The following BTRC variants were observed in gnomAD, a reference collection of about 807,000 sequenced individuals.
BTRC encodes the protein F-box/WD repeat-containing protein 1A.
Under a neutral mutation model 85.5 loss-of-function variants are expected in BTRC, and 42 were observed. The ratio of observed to expected loss-of-function variants is 0.49; its 90% CI spans 0.38 to 0.64. The LOEUF is 0.64. Among genes scored for constraint, BTRC ranks in the 30% least tolerant of loss-of-function variants. BTRC has a pLI of 0.00. For synonymous variants in BTRC, 255 were observed against 263.3 expected, an observed-to-expected ratio of 0.97 and a Z score of 0.30; for missense variants, 594 against 743.5, an observed-to-expected ratio of 0.80 and a Z score of 2.34.
intron 4 of BTRC, among the ~76,000 whole-genome samples, chr10:101,514,422 A>T (rs531179640): frequency 6.6e-6 from 1 of 151,542 alleles, no homozygotes; most frequent in South Asian, 2.1e-4. Context: ...CATTTCCTCT[A>T]TGGATATCCA....
At position 101,367,079 on chromosome 10, in the gene BTRC, TA is replaced by T. The variant is rs1220920101; in HGVS notation, c.48+12852del. The stretch of plus-strand genomic sequence containing the variant: ...ATATAAATATAAATATATATATATA[TA>T]TTTTTTTCGAGCTAGAGTCTCGCTC... On this transcript the variant is annotated intron_variant, in intron 1 of 14. Transcript: ENST00000370187. Among the ~76,000 whole-genome samples the T allele has an allele frequency of 2.3e-4, 24 of 105,534 alleles. 1 individual carries two copies. Among genetic ancestry groups the T allele is most frequent in the East Asian group, 1.2e-3 (5 of 4,286 alleles). 69.2% of individuals were successfully genotyped at this position (105,534 alleles called of 152,430 possible).
chr10:101,354,295 C>T (rs997447977), intron 1 of BTRC, 67 bp downstream of exon 1: 4 of 1,520,974 alleles, frequency 2.6e-6, no homozygotes, highest in Non-Finnish European at 3.6e-6. Flanking sequence ...TGGCCTGGGC[C>T]GCCCGCCCAC....
chr10:101,472,869 C>T (rs1457501481), intron 3 of BTRC, among the ~76,000 whole-genome samples: 2 of 151,996 alleles, frequency 1.3e-5, no homozygotes, highest in Non-Finnish European at 2.9e-5. Flanking sequence ...TCCTTGGCTC[C>T]GTTCAAGGTT....
At chr10:101,397,154 A>T (rs1943385227) in intron 1 of BTRC, among the ~76,000 whole-genome samples, 1 of 152,218 alleles carries the variant, frequency 6.6e-6, no homozygotes, top group South Asian at 2.1e-4. Flanking sequence ...TAAAATTCTT[A>T]TATAAATTCT....
At chr10:101,509,719 ATTTTTTTT>A (rs549474862) in intron 4 of BTRC, among the ~76,000 whole-genome samples, 2 of 120,350 alleles carry the variant, frequency 1.7e-5, no homozygotes, top group Non-Finnish European at 3.3e-5. Flanking sequence ...CACACAGCTA[ATTTTTTTT>A]TTTTTTTTTT....
At chr10:101,359,458 C>T (rs1030334523) in intron 1 of BTRC, among the ~76,000 whole-genome samples, 2 of 152,004 alleles carry the variant, frequency 1.3e-5, no homozygotes, top group Admixed American at 6.6e-5. Flanking sequence ...CCCTGAGTCT[C>T]GCTCTGTTGC....
chr10:101,462,490 C>T (rs1001682534), intron 3 of BTRC, among the ~76,000 whole-genome samples: 1 of 152,002 alleles, frequency 6.6e-6, no homozygotes, highest in South Asian at 2.1e-4. Context: ...ACCAGCCTGA[C>T]CAACATGGAG....
Position 101,418,924 on chromosome 10 carries a change from T to C in BTRC, c.49-11421T>C, listed in dbSNP as rs887329692. On this transcript the variant is annotated intron_variant, in intron 1 of 14. Transcript: ENST00000370187. ...CATGTTGTTTTCATATACATATTCA[T>C]TGTAAAATGCTTGTCTCAATCAAGC... 5.3e-5 allele frequency among the ~76,000 whole-genome samples: 8 copies of C among 152,154 alleles called. No individual in the cohort carries two copies. In the East Asian group the frequency reaches 1.2e-3, roughly 22 times the overall value.
At chr10:101,513,778 A>G (rs2061987477) in intron 4 of BTRC, among the ~76,000 whole-genome samples, 1 of 152,228 alleles carries the variant, frequency 6.6e-6, no homozygotes, top group Non-Finnish European at 1.5e-5. Flanking sequence ...TTTCGTTTTA[A>G]GGAGGTAAGT....
chr10:101,511,454 G>A (rs1196118598), intron 4 of BTRC, among the ~76,000 whole-genome samples: 1 of 152,038 alleles, frequency 6.6e-6, no homozygotes. Flanking sequence ...CTGTTGCCCA[G>A]GCGTTCAAGC....
At chr10:101,471,005 C>G (rs971547909) in intron 3 of BTRC, among the ~76,000 whole-genome samples, 2 of 151,962 alleles carry the variant, frequency 1.3e-5, no homozygotes, top group Admixed American at 6.6e-5. Context: ...AGGTACTGAC[C>G]CATCCCTATT....
chr10:101,407,661 A>T (rs1010518508), intron 1 of BTRC, among the ~76,000 whole-genome samples: 30 of 150,462 alleles, frequency 2.0e-4, no homozygotes, highest in African/African-American at 7.1e-4. Context: ...AAAGTGCAAG[A>T]TGACAGGCCT....
Position 101,447,645 on chromosome 10 carries a change from A to G in BTRC, c.157-14336A>G, listed in dbSNP as rs1207740820. On this transcript the variant is annotated intron_variant, in intron 2 of 14. Coordinates refer to ENST00000370187, the MANE Select transcript of BTRC (RefSeq NM_033637.4). ...TTCCATAACGCAACAAGTGCTATTG[A>G]TGATAGCTAATAACAGATATTAGTA... 3.3e-5 allele frequency among the ~76,000 whole-genome samples: 5 copies of G among 152,288 alleles called. No homozygotes were observed. The South Asian group carries it at 6.2e-4, about 19-fold the overall frequency.
At chr10:101,441,786 C>T (rs1944685211) in intron 2 of BTRC, among the ~76,000 whole-genome samples, 2 of 149,016 alleles carry the variant, frequency 1.3e-5, no homozygotes, top group African/African-American at 2.5e-5. Context: ...GAGGCTAAGG[C>T]ACGCGAATCG....
chr10:101,445,550 A>G (rs779071900), intron 2 of BTRC, among the ~76,000 whole-genome samples: 1 of 151,920 alleles, frequency 6.6e-6, no homozygotes, highest in South Asian at 2.1e-4. Flanking sequence ...CTAAGAATCA[A>G]CTCTTCAGTG....
intron 2 of BTRC, among the ~76,000 whole-genome samples, chr10:101,432,729 G>A (rs1944432970): frequency 1.3e-5 from 2 of 152,130 alleles, no homozygotes; most frequent in African/African-American, 4.8e-5. Context: ...AAGGACACAG[G>A]TTAAAATTAG....
intron 13 of BTRC, among the ~76,000 whole-genome samples, chr10:101,542,749 T>C (rs1445787011): frequency 6.6e-6 from 1 of 151,110 alleles, no homozygotes; most frequent in East Asian, 1.9e-4. Flanking sequence ...TTTTTTTGTA[T>C]TTTTTTTTAG....
intron 4 of BTRC, among the ~76,000 whole-genome samples, chr10:101,495,176 G>T (rs544166790): frequency 6.6e-6 from 1 of 152,242 alleles, no homozygotes; most frequent in South Asian, 2.1e-4. Flanking sequence ...TCCATGAAGA[G>T]AAAAATAAAT....
At chr10:101,407,261 T>G (rs1274184683) in intron 1 of BTRC, among the ~76,000 whole-genome samples, 3 of 152,052 alleles carry the variant, frequency 2.0e-5, no homozygotes, top group South Asian at 2.1e-4. Context: ...GGCAGGAGGA[T>G]CTCTTGAGCT....
Sources: allele counts gnomAD v4.1 joint callset (sites outside exome capture counted in the v4.1 genomes callset), GRCh38; gene constraint gnomAD v4.1.1; transcripts MANE v1.5; gene names NCBI Gene and HGNC (gene_info 2026-07-23, HGNC 2026-07-21).